Variants in PCDHGA9 observed in about 807,000 individuals in gnomAD.
The protein encoded by PCDHGA9 is protocadherin gamma-A9.
PCDHGA9 carries 37 observed loss-of-function variants against 62.5 expected under a neutral mutation model. The ratio of observed to expected loss-of-function variants is 0.59; its 90% CI spans 0.46 to 0.78. The LOEUF (loss-of-function observed/expected upper bound fraction) is 0.78, where lower values mean the gene tolerates loss of function less well. Ranked by LOEUF, PCDHGA9 falls within the 30% of genes least tolerant of loss-of-function variation. PCDHGA9 has a pLI of 0.00. For missense variants in PCDHGA9, 1,138 were observed against 1,166.2 expected, an observed-to-expected ratio of 0.98 and a Z score of 0.35; for synonymous variants, 459 against 484.6, an observed-to-expected ratio of 0.95 and a Z score of 0.69.
In PCDHGA9 at chr5:141,409,757, G is replaced by T. The variant is rs376391018; in HGVS notation, c.2424+4381G>T. On this transcript the variant is annotated intron_variant, in intron 1 of 3. Coordinates refer to ENST00000573521, the MANE Select transcript of PCDHGA9 (RefSeq NM_018921.3). ...GAGCGGGGTGGTGTTCGCGCAGCGC[G>T]CCTTTGATCACGAGCAGCTGCGCGC... is the stretch of plus-strand genomic sequence containing the variant. 5 of 1,612,868 alleles carry T rather than the reference G, an allele frequency of 3.1e-6. No homozygotes were observed. In the East Asian group the frequency reaches 6.7e-5, roughly 22 times the overall value.
In PCDHGA9 at chr5:141,404,687, C is replaced by T. The variant is rs190249934; in HGVS notation, c.1735C>T (p.Pro579Ser). 2,728 of 1,614,088 alleles carry T rather than the reference C, an allele frequency of 1.7e-3. 3 individuals carry two copies. Among genetic ancestry groups the T allele is most frequent in the Non-Finnish European group, 2.2e-3 (2,615 of 1,179,946 alleles). Residue 579 changes from proline to serine, a missense_variant, in exon 1 of 4, where the codon CCC becomes TCC. Physicochemically the swap from Pro to Ser is moderately conservative, Grantham distance 74. Coordinates refer to ENST00000573521, the MANE Select transcript of PCDHGA9 (RefSeq NM_018921.3). ...TGGTTCTACTGGTGTGGAGCTGGCA[C>T]CCCGCTCTGCAGAGCCTGGCTACCT... ...TDGSTGVELAPRSAEPGYLVT... is the reference protein window; with the variant it reads ...TDGSTGVELASRSAEPGYLVT...
At position 141,511,963 on chromosome 5, in the gene PCDHGA9, AGT is replaced by A. The variant is rs1204123000; in HGVS notation, c.*796_*797del. On this transcript the variant is annotated 3_prime_UTR_variant, in exon 4 of 4. Transcript: ENST00000573521. ...ATGGGGTGGTAAGATAAGGAAGGGA[AGT>A]GTGTGGATGTGGATGGTGGGGGCAT... 1 of 153,636 alleles carries A rather than the reference AGT, an allele frequency of 6.5e-6. No individual in the cohort carries two copies. 9.5% of individuals were successfully genotyped at this position (153,636 alleles called of 1,614,324 possible).
chr5:141,421,433 C>T, intron 1 of PCDHGA9: 1 of 1,614,074 alleles, frequency 6.2e-7, no homozygotes, highest in African/African-American at 1.3e-5. Flanking sequence ...CGCATCGTCT[C>T]CAGAGGGAAG....
Position 141,491,754 on chromosome 5 carries a change from C to T in PCDHGA9, c.2425-3053C>T. ...CCCCTGGGGGCGGCACTGGAGAAGC[C>T]GCCCGTCCTCATAAGGGATTGAACT... On this transcript the variant is annotated intron_variant, in intron 1 of 3. Transcript: ENST00000573521. The surrounding 1 kb of genome is among the most constrained non-coding windows in gnomAD (Gnocchi z 6.9). 5.7e-6 allele frequency: 9 copies of T among 1,582,682 alleles called. No individual in the cohort carries two copies. The highest frequency in any genetic ancestry group is 7.7e-6 in the Non-Finnish European group (9 of 1,165,614).
chr5:141,492,084 G>A (rs979755390), intron 1 of PCDHGA9, among the ~76,000 whole-genome samples: 1 of 152,236 alleles, frequency 6.6e-6, no homozygotes, highest in Non-Finnish European at 1.5e-5. Flanking sequence ...GCTCCGGCAC[G>A]CTTCGCCGGT....
chr5:141,447,135 GT>G (rs905717632), intron 1 of PCDHGA9, among the ~76,000 whole-genome samples: 1 of 151,698 alleles, frequency 6.6e-6, no homozygotes, highest in South Asian at 2.1e-4. Flanking sequence ...TTGTTTGTTT[GT>G]TTTTTGTTTT....
chr5:141,469,419 A>G (rs1047562022), intron 1 of PCDHGA9, among the ~76,000 whole-genome samples: 2 of 152,066 alleles, frequency 1.3e-5, no homozygotes, highest in South Asian at 2.1e-4. Flanking sequence ...TACTAAAAAT[A>G]TAAAACTTAG....
Position 141,485,598 on chromosome 5 carries a change from T to C in PCDHGA9, c.2425-9209T>C, listed in dbSNP as rs931717579. 25 of 1,612,028 alleles carry C rather than the reference T, an allele frequency of 1.6e-5. No individual in the cohort carries two copies. Among genetic ancestry groups the C allele is most frequent in the African/African-American group, 2.7e-5 (2 of 74,838 alleles). ...CCGCGGCAGCAGCTGGACTTGGAAA[T>C]TGGGGAGGCAGCTCCTCCAGGACAG... On this transcript the variant is annotated intron_variant, in intron 1 of 3. Transcript: ENST00000573521. This position sits in a 1 kb window ranked among gnomAD's most constrained non-coding sequence, Gnocchi z 5.7.
chr5:141,406,307 T>C (rs2094791462), intron 1 of PCDHGA9, among the ~76,000 whole-genome samples: 1 of 152,088 alleles, frequency 6.6e-6, no homozygotes, highest in African/African-American at 2.4e-5. Flanking sequence ...GTGAACCACC[T>C]CACCCAGCAA....
intron 1 of PCDHGA9, chr5:141,478,198 A>G (rs1393603398): frequency 6.2e-7 from 1 of 1,613,864 alleles, no homozygotes; most frequent in East Asian, 2.2e-5. Flanking sequence ...CCTTTTATCT[A>G]CTTCTTTCTC....
chr5:141,453,796 T>C (rs1592274016), intron 1 of PCDHGA9, among the ~76,000 whole-genome samples: 1 of 152,242 alleles, frequency 6.6e-6, no homozygotes, highest in East Asian at 1.9e-4. Context: ...ATATTAACTT[T>C]GAGTAGTTCC....
intron 1 of PCDHGA9, among the ~76,000 whole-genome samples, chr5:141,443,722 C>G (rs2098401001): frequency 6.6e-6 from 1 of 152,012 alleles, no homozygotes; most frequent in Admixed American, 6.6e-5. Context: ...TATAAAATTC[C>G]TCATACATTT....
chr5:141,418,712 G>A (rs1431536945), intron 1 of PCDHGA9: 1 of 1,613,976 alleles, frequency 6.2e-7, no homozygotes, highest in African/African-American at 1.3e-5. Context: ...CTTTGGTGTG[G>A]CTGACAAAGC....
At chr5:141,409,317 G>A in intron 1 of PCDHGA9, 2 of 1,613,940 alleles carry the variant, frequency 1.2e-6, no homozygotes, top group Non-Finnish European at 1.7e-6. Flanking sequence ...TTCAAAACAC[G>A]GGATCTGGAT....
At chr5:141,422,606 C>T in intron 1 of PCDHGA9, 1 of 1,613,904 alleles carries the variant, frequency 6.2e-7, no homozygotes, top group Non-Finnish European at 8.5e-7. Flanking sequence ...TCTTACTCTG[C>T]CTACATTCCC....
intron 1 of PCDHGA9, chr5:141,409,546 C>A (rs775680397): frequency 6.2e-7 from 1 of 1,613,880 alleles, no homozygotes; most frequent in African/African-American, 1.3e-5. Flanking sequence ...TCAACGACAA[C>A]GCCCCAGTTT....
intron 1 of PCDHGA9, chr5:141,409,987 C>T: frequency 3.1e-6 from 5 of 1,613,288 alleles, no homozygotes; most frequent in Non-Finnish European, 4.2e-6. Context: ...TAGCGGTGGA[C>T]GCCGACTCGG....
rs140088812 is a variant in PCDHGA9, at chr5:141,489,695, T to C, written c.2425-5112T>C. The C allele has an allele frequency of 6.2e-7, 1 of 1,614,088 alleles. No homozygotes were observed. The highest frequency in any genetic ancestry group is 1.3e-5 in the African/African-American group (1 of 75,026). On this transcript the variant is annotated intron_variant, in intron 1 of 3. Transcript: ENST00000573521. This position sits in a 1 kb window ranked among gnomAD's most constrained non-coding sequence, Gnocchi z 4.5. ...GAATCAGCAGCATCTGGGGCACGAT[T>C]CCCACTGGACAGTGCCCAGGATCCG...
intron 2 of PCDHGA9, among the ~76,000 whole-genome samples, chr5:141,495,826 A>G (rs1190417828): frequency 6.6e-6 from 1 of 150,888 alleles, no homozygotes; most frequent in African/African-American, 2.4e-5. Flanking sequence ...GTGTTCTTCT[A>G]TCCCCAGCCT....
Sources: allele counts gnomAD v4.1 joint callset (sites outside exome capture counted in the v4.1 genomes callset), GRCh38; gene constraint gnomAD v4.1.1; non-coding constraint Gnocchi (gnomAD v3.1); transcripts MANE v1.5; gene names NCBI Gene and HGNC (gene_info 2026-07-23, HGNC 2026-07-21).